Variants in KRABD2 observed in about 807,000 individuals in gnomAD.
The protein encoded by KRABD2 is KRAB domain containing 2.
chr17:8,371,417 C>T, the KRABD2 span: 1 of 1,614,090 alleles, frequency 6.2e-7, no homozygotes, highest in Non-Finnish European at 8.5e-7. Flanking sequence ...AATGCTGTTG[C>T]TTCCTGAAAC....
chr17:8,371,663 G>A, the KRABD2 span: 2 of 1,410,518 alleles, frequency 1.4e-6, no homozygotes, highest in South Asian at 3.4e-5. Flanking sequence ...TGGGAGGTCT[G>A]TTGGTCTGGC....
chr17:8,371,698 A>T, the KRABD2 span: 2 of 1,388,728 alleles, frequency 1.4e-6, no homozygotes, highest in Non-Finnish European at 9.3e-7. Flanking sequence ...CCAGAGCTGT[A>T]GCCCATTTAT....
chr17:8,365,722 G>A, the KRABD2 span: 1 of 152,258 alleles, frequency 6.6e-6, no homozygotes, highest in African/African-American at 2.4e-5. Context: ...ATCCTGTGAG[G>A]TAGGCAGCAC....
the KRABD2 span, among the ~76,000 whole-genome samples, chr17:8,363,798 T>G: frequency 7.2e-6 from 1 of 139,284 alleles, no homozygotes; most frequent in Admixed American, 7.2e-5. Flanking sequence ...ATATATATCA[T>G]ACATATATAT....
the KRABD2 span, among the ~76,000 whole-genome samples, chr17:8,361,753 C>T: frequency 3.3e-5 from 5 of 152,014 alleles, no homozygotes; most frequent in African/African-American, 7.2e-5. Flanking sequence ...AGGCTGGTGT[C>T]GAACCCTGTG....
At chr17:8,370,244 T>G in the KRABD2 span, 1 of 1,613,602 alleles carries the variant, frequency 6.2e-7, no homozygotes, top group East Asian at 2.2e-5. Flanking sequence ...TGTTGTAACT[T>G]TTGCTTTCTA....
At chr17:8,361,999 A>G in the KRABD2 span, among the ~76,000 whole-genome samples, 6 of 152,204 alleles carry the variant, frequency 3.9e-5, no homozygotes, top group African/African-American at 1.4e-4. Flanking sequence ...TTCAGCTTCA[A>G]CTGACTTTGT....
chr17:8,363,811 CATACATATATATATCATACAT>C, the KRABD2 span, among the ~76,000 whole-genome samples: 1 of 104,902 alleles, frequency 9.5e-6, no homozygotes, highest in South Asian at 3.1e-4. Context: ...ATATATATAT[CATACATATATATATCATACAT>C]ATATATATAT....
chr17:8,372,149 CTTCCA>C, the KRABD2 span: 1 of 876,996 alleles, frequency 1.1e-6, no homozygotes, highest in African/African-American at 1.8e-5. This position sits in a 1 kb window ranked among gnomAD's most constrained non-coding sequence, Gnocchi z 4.1. Context: ...GTGGGGCCTG[CTTCCA>C]GGTCCGGAAG....
chr17:8,364,181 T>A, the KRABD2 span, among the ~76,000 whole-genome samples: 1 of 152,114 alleles, frequency 6.6e-6, no homozygotes, highest in Non-Finnish European at 1.5e-5. The surrounding 1 kb of genome is among the most constrained non-coding windows in gnomAD (Gnocchi z 4.4). Context: ...CCAATATTTT[T>A]ATCATTATTT....
At chr17:8,368,880 G>A in the KRABD2 span, 206 of 466,728 alleles carry the variant, frequency 4.4e-4, no homozygotes, top group African/African-American at 3.6e-3. Flanking sequence ...CAAGTGACCC[G>A]CCCACCTTGG....
the KRABD2 span, among the ~76,000 whole-genome samples, chr17:8,360,633 T>C: frequency 6.6e-6 from 1 of 152,214 alleles, no homozygotes; most frequent in African/African-American, 2.4e-5. Context: ...CGTCAACTTT[T>C]TGAATGAGAG....
chr17:8,376,420 T>C, the KRABD2 span: 1 of 1,082,072 alleles, frequency 9.2e-7, no homozygotes. Flanking sequence ...AGGCACTTAA[T>C]ACAGTGTCCC....
the KRABD2 span, among the ~76,000 whole-genome samples, chr17:8,373,972 C>T: frequency 6.6e-6 from 1 of 152,070 alleles, no homozygotes; most frequent in East Asian, 1.9e-4. Context: ...GCATCTCCAC[C>T]CTGCAGCCGC....
At chr17:8,370,333 C>T in the KRABD2 span, 1 of 1,605,968 alleles carries the variant, frequency 6.2e-7, no homozygotes, top group Non-Finnish European at 8.5e-7. Flanking sequence ...TTTGAAACCC[C>T]AGGTGGATCA....
At chr17:8,372,169 T>G in the KRABD2 span, 1 of 677,070 alleles carries the variant, frequency 1.5e-6, no homozygotes, top group Non-Finnish European at 1.8e-6. The surrounding 1 kb of genome is among the most constrained non-coding windows in gnomAD (Gnocchi z 4.1). Context: ...CGGAAGGTCC[T>G]TCACTAAAAG....
chr17:8,363,840 T>TCATAC, the KRABD2 span, among the ~76,000 whole-genome samples: 4 of 75,230 alleles, frequency 5.3e-5, no homozygotes, highest in Non-Finnish European at 7.7e-5. Flanking sequence ...CATATATATA[T>TCATAC]ATATATATAT....
the KRABD2 span, among the ~76,000 whole-genome samples, chr17:8,363,830 C>CATATAT: frequency 4.5e-3 from 393 of 86,918 alleles, 2 homozygotes; most frequent in South Asian, 0.017. Flanking sequence ...ATATATCATA[C>CATATAT]ATATATATAT....
chr17:8,361,981 C>G, the KRABD2 span, among the ~76,000 whole-genome samples: 3 of 152,196 alleles, frequency 2.0e-5, 1 homozygote, highest in African/African-American at 7.2e-5. Context: ...CCTATTTAAA[C>G]TCATTTCTTC....
Sources: gnomAD v4.1 joint callset for allele counts (sites outside exome capture counted in the v4.1 genomes callset) on GRCh38, gnomAD v4.1.1 for gene constraint, Gnocchi (gnomAD v3.1) non-coding constraint, MANE v1.5 for transcripts, NCBI Gene and HGNC (gene_info 2026-07-23, HGNC 2026-07-21) for gene names.